ITGAM: variants seen among roughly 807,000 people sequenced by gnomAD.
ITGAM encodes the protein integrin subunit alpha M, also known as integrin alpha-M.
In ITGAM, 79 loss-of-function variants were observed where a neutral mutation model predicts 137.5. The observed-to-expected ratio is 0.57, with a 90% CI of 0.48 to 0.69. ITGAM has a LOEUF of 0.69. Ranked by LOEUF, ITGAM falls within the 30% of genes least tolerant of loss-of-function variation. The pLI is 0.00. For missense variants in ITGAM, 1,343 were observed against 1,483.5 expected (o/e 0.91, Z 1.56); for synonymous variants, 583 against 592.3 (o/e 0.98, Z 0.23).
rs754244887 is a variant in ITGAM at position 31,271,837 on chromosome 16, C to A, written c.559-10C>A. 1.2e-6 allele frequency: 2 copies of A among 1,613,906 alleles called. No homozygotes were observed. The highest frequency in any genetic ancestry group is 1.7e-6 in the Non-Finnish European group (2 of 1,179,844). ...CTTCTCCAGCATCACACCAGCCGCC[C>A]CCTCCGCAGTTCTCTTTGATGCAGT... is the stretch of plus-strand genomic sequence containing the variant. On this transcript the variant is annotated splice_polypyrimidine_tract_variant and intron_variant, in intron 6 of 29. Coordinates refer to ENST00000544665, the MANE Select transcript of ITGAM (RefSeq NM_000632.4).
At chr16:31,310,070 A>G (rs2080308977) in intron 14 of ITGAM, among the ~76,000 whole-genome samples, 1 of 150,936 alleles carries the variant, frequency 6.6e-6, no homozygotes, top group African/African-American at 2.4e-5. Context: ...ATCAGCTGCC[A>G]GTCTGATGGG....
intron 9 of ITGAM, 48 bp downstream of exon 9, chr16:31,275,747 C>G (rs766785252): frequency 1.3e-6 from 2 of 1,598,592 alleles, no homozygotes; most frequent in Non-Finnish European, 1.7e-6. Flanking sequence ...GGCAGCCCCC[C>G]ACCCCAGAAC....
intron 14 of ITGAM, among the ~76,000 whole-genome samples, chr16:31,318,731 T>G (rs2080418094): frequency 6.6e-6 from 1 of 152,216 alleles, no homozygotes; most frequent in Non-Finnish European, 1.5e-5. Context: ...TTCTGTAATC[T>G]TTATTATTTT....
intron 12 of ITGAM, among the ~76,000 whole-genome samples, chr16:31,282,023 G>A (rs963617288): frequency 1.6e-4 from 24 of 152,148 alleles, no homozygotes; most frequent in Admixed American, 2.6e-4. Context: ...ATGTAGTTGA[G>A]CGGTTTTGAG....
At chr16:31,306,144 A>G (rs984801398) in intron 14 of ITGAM, among the ~76,000 whole-genome samples, 1 of 151,924 alleles carries the variant, frequency 6.6e-6, no homozygotes, top group Non-Finnish European at 1.5e-5. Context: ...CTTGGTATCT[A>G]TTTCTTGCTA....
intron 14 of ITGAM, among the ~76,000 whole-genome samples, chr16:31,317,574 T>G (rs902566474): frequency 6.6e-6 from 1 of 152,372 alleles, no homozygotes; most frequent in African/African-American, 2.4e-5. Flanking sequence ...AATAAATTTC[T>G]ATTGCTTATA....
intron 29 of ITGAM, 46 bp downstream of exon 29, chr16:31,331,321 C>T (rs759542963): frequency 9.1e-7 from 1 of 1,101,216 alleles, no homozygotes; most frequent in Non-Finnish European, 1.4e-6. Flanking sequence ...CCTCTCGGGC[C>T]TCGCGCTGCA....
At chr16:31,272,688 T>G (rs1484209127) in intron 7 of ITGAM, among the ~76,000 whole-genome samples, 2 of 150,576 alleles carry the variant, frequency 1.3e-5, no homozygotes, top group South Asian at 4.2e-4. Context: ...TTCACCATGT[T>G]GACCAGGCTG....
chr16:31,318,126 C>A (rs568683411), intron 14 of ITGAM, among the ~76,000 whole-genome samples: 48 of 152,196 alleles, frequency 3.2e-4, no homozygotes, highest in African/African-American at 1.2e-3. Flanking sequence ...CTTTCTATTG[C>A]CTTATGATTC....
chr16:31,324,369 C>T lies in ITGAM; in HGVS notation c.2003-30C>T. 3 of 1,547,330 alleles carry T rather than the reference C, an allele frequency of 1.9e-6. No homozygotes were observed. Among genetic ancestry groups the T allele is most frequent in the Non-Finnish European group, 2.6e-6 (3 of 1,143,386 alleles). On this transcript the variant is annotated intron_variant, in intron 16 of 29. Coordinates refer to ENST00000544665, the MANE Select transcript of ITGAM (RefSeq NM_000632.4). This position sits in a 1 kb window ranked among gnomAD's most constrained non-coding sequence, Gnocchi z 4.5. ...TCTGCCGGGTTCCGAGGCTCAGGCCCCTCACTGCTGTGCCACCCTGTCCCT... is the reference window on the plus strand; with the variant it reads ...TCTGCCGGGTTCCGAGGCTCAGGCCTCTCACTGCTGTGCCACCCTGTCCCT...
chr16:31,332,022 C>T lies in ITGAM; in HGVS notation c.*315C>T. 8.2e-6 allele frequency: 3 copies of T among 366,444 alleles called. No homozygotes were observed. The highest frequency in any genetic ancestry group is 4.5e-5 in the South Asian group (1 of 22,058). 22.7% of individuals were successfully genotyped at this position (366,444 alleles called of 1,614,324 possible). On this transcript the variant is annotated 3_prime_UTR_variant, in exon 30 of 30. Coordinates refer to ENST00000544665, the MANE Select transcript of ITGAM (RefSeq NM_000632.4). ...GTGTGTGCATGTGTGCGAGTGTGTGCATGTGTGTGCTCAGGGGCGTGTGGC... is the reference window on the plus strand; with the variant it reads ...GTGTGTGCATGTGTGCGAGTGTGTGTATGTGTGTGCTCAGGGGCGTGTGGC...
At chr16:31,328,968 CTG>C in intron 23 of ITGAM, 1 of 567,780 alleles carries the variant, frequency 1.8e-6, no homozygotes, top group Non-Finnish European at 3.2e-6. Context: ...GTGTGTGTGT[CTG>C]AGGGTCTGTG....
intron 5 of ITGAM, among the ~76,000 whole-genome samples, chr16:31,270,663 G>A (rs1226866956): frequency 7.8e-6 from 1 of 128,426 alleles, no homozygotes; most frequent in South Asian, 2.6e-4. Context: ...ACAGGCATGT[G>A]CCAACATGCC....
At position 31,329,311 on chromosome 16, in the gene ITGAM, G is replaced by A; in HGVS notation, c.2868+8G>A. 6.3e-7 allele frequency: 1 copy of A among 1,598,606 alleles called. No individual in the cohort carries two copies. Reference sequence around the variant, plus strand: ...ATGCAGCATCAATATCAGGTGGGCAGCTGGGACGTCTGGGTCCTGAGAAGG... The same window carrying A: ...ATGCAGCATCAATATCAGGTGGGCAACTGGGACGTCTGGGTCCTGAGAAGG... On this transcript the variant is annotated splice_region_variant and intron_variant, in intron 24 of 29. Transcript: ENST00000544665.
Position 31,330,352 on chromosome 16 carries a change from G to A in ITGAM, c.3105G>A (p.Pro1035=), listed in dbSNP as rs1465981481. 2.5e-6 allele frequency: 4 copies of A among 1,613,980 alleles called. No individual in the cohort carries two copies. The highest frequency in any genetic ancestry group is 1.7e-5 in the Admixed American group (1 of 60,028). Residue 1035 remains proline (P), a synonymous_variant, in exon 27 of 30, where the codon CCG becomes CCA. Transcript: ENST00000544665. The stretch of plus-strand genomic sequence containing the variant: ...GCCAGAGAATCCAGTGTGACATCCC[G>A]TTCTTTGGCATCCAGGAAGAATTCA... ...AVCQRIQCDI[P]FFGIQEEFNA...
At chr16:31,308,847 T>A (rs1360417116) in intron 14 of ITGAM, among the ~76,000 whole-genome samples, 5 of 151,094 alleles carry the variant, frequency 3.3e-5, no homozygotes, top group African/African-American at 1.2e-4. Flanking sequence ...TTTTGGTATG[T>A]TGTGTCTTTG....
chr16:31,284,515 C>A (rs977224922), intron 12 of ITGAM, among the ~76,000 whole-genome samples: 2 of 152,122 alleles, frequency 1.3e-5, no homozygotes, highest in African/African-American at 4.8e-5. Flanking sequence ...GGGCGTGGGA[C>A]CCTCTGAGCC....
chr16:31,320,306 C>T (rs2080435729), intron 14 of ITGAM, among the ~76,000 whole-genome samples: 1 of 152,114 alleles, frequency 6.6e-6, no homozygotes, highest in South Asian at 2.1e-4. Context: ...TATTGTGTAT[C>T]CAGTAACATA....
intron 2 of ITGAM, among the ~76,000 whole-genome samples, chr16:31,262,308 T>G (rs1014578413): frequency 6.8e-6 from 1 of 147,976 alleles, no homozygotes; most frequent in African/African-American, 2.5e-5. Context: ...CTTCCCTCTT[T>G]CCCTCCTTCC....
Sources: gnomAD v4.1 joint callset for allele counts (sites outside exome capture counted in the v4.1 genomes callset) on GRCh38, gnomAD v4.1.1 for gene constraint, Gnocchi (gnomAD v3.1) non-coding constraint, MANE v1.5 for transcripts, NCBI Gene and HGNC (gene_info 2026-07-23, HGNC 2026-07-21) for gene names.